Variants in ADAM23 observed in about 807,000 individuals in gnomAD.
The protein encoded by ADAM23 is disintegrin and metalloproteinase domain-containing protein 23.
ADAM23 carries 33 observed loss-of-function variants against 120.1 expected under a neutral mutation model. The ratio of observed to expected loss-of-function variants is 0.27; its 90% CI spans 0.21 to 0.37. The LOEUF (loss-of-function observed/expected upper bound fraction) is 0.37, where lower values mean the gene tolerates loss of function less well. ADAM23 is among the 10% of genes least tolerant of loss of function. ADAM23 has a pLI of 1.00. For synonymous variants in ADAM23, 367 were observed against 375.2 expected, an observed-to-expected ratio of 0.98 and a Z score of 0.25; for missense variants, 862 against 1,058.2, an observed-to-expected ratio of 0.81 and a Z score of 2.57.
chr2:206,614,903 T>C, intron 25 of ADAM23, among the ~76,000 whole-genome samples: 1 of 152,108 alleles, frequency 6.6e-6, no homozygotes, highest in East Asian at 1.9e-4. Context: ...TGCCTGGGAC[T>C]CCTGGGTTAG....
chr2:206,616,714 G>C (rs1698940724), intron 25 of ADAM23, among the ~76,000 whole-genome samples: 2 of 152,068 alleles, frequency 1.3e-5, no homozygotes, highest in African/African-American at 4.8e-5. Context: ...TTTGCATGAT[G>C]CCTCGGTGGC....
intron 13 of ADAM23, 51 bp downstream of exon 13, chr2:206,562,344 A>G: frequency 1.5e-6 from 2 of 1,305,970 alleles, no homozygotes; most frequent in Non-Finnish European, 2.2e-6. Flanking sequence ...CTGTCTGTAT[A>G]ATGCATGTCC....
intron 2 of ADAM23, among the ~76,000 whole-genome samples, chr2:206,447,878 C>T (rs1695114378): frequency 6.6e-6 from 1 of 152,082 alleles, no homozygotes; most frequent in Admixed American, 6.6e-5. Context: ...AATGGAAATT[C>T]CCAAATATAG....
chr2:206,499,291 A>G lies in ADAM23; in HGVS notation c.509+17983A>G, dbSNP rs566310842. 4.6e-5 allele frequency among the ~76,000 whole-genome samples: 7 copies of G among 152,158 alleles called. No individual in the cohort carries two copies. The South Asian group carries it at 1.2e-3, about 27-fold the overall frequency. Reference sequence around the variant, plus strand: ...ACTGGATTAAGAAAATGTGGCACGTATACACCATATACTATGCAGCCATAA... The same window carrying G: ...ACTGGATTAAGAAAATGTGGCACGTGTACACCATATACTATGCAGCCATAA... On this transcript the variant is annotated intron_variant, in intron 3 of 25. Transcript: ENST00000264377.
intron 2 of ADAM23, among the ~76,000 whole-genome samples, chr2:206,461,026 G>A (rs1574479273): frequency 6.9e-6 from 1 of 145,390 alleles, no homozygotes; most frequent in Non-Finnish European, 1.5e-5. Flanking sequence ...TTTCCCATTT[G>A]TTTGTGTCTT....
At chr2:206,458,971 A>C (rs138733311) in intron 2 of ADAM23, among the ~76,000 whole-genome samples, 113 of 152,378 alleles carry the variant, frequency 7.4e-4, no homozygotes, top group African/African-American at 2.5e-3. Flanking sequence ...TTTGGACACT[A>C]GGACAATTGA....
chr2:206,501,437 CA>C (rs2105893810), intron 3 of ADAM23, among the ~76,000 whole-genome samples: 1 of 152,132 alleles, frequency 6.6e-6, no homozygotes, highest in Non-Finnish European at 1.5e-5. Flanking sequence ...TAGGCTACTT[CA>C]TTCAGTTATC....
intron 18 of ADAM23, among the ~76,000 whole-genome samples, chr2:206,576,550 G>A (rs1698115918): frequency 6.6e-6 from 1 of 152,008 alleles, no homozygotes; most frequent in Non-Finnish European, 1.5e-5. Context: ...AATAGAAGTA[G>A]AGGGAGTTAA....
intron 11 of ADAM23, among the ~76,000 whole-genome samples, chr2:206,560,749 A>G (rs1697746684): frequency 1.3e-5 from 2 of 152,062 alleles, no homozygotes; most frequent in Non-Finnish European, 1.5e-5. Context: ...TCCTCCCACC[A>G]TTACCGTTGA....
At chr2:206,518,518 C>G (rs1434732051) in intron 3 of ADAM23, among the ~76,000 whole-genome samples, 3 of 152,074 alleles carry the variant, frequency 2.0e-5, no homozygotes, top group Non-Finnish European at 4.4e-5. Flanking sequence ...TAGCATGACT[C>G]TCAGGTTTTT....
chr2:206,445,980 G>T (rs532985071), intron 2 of ADAM23, among the ~76,000 whole-genome samples: 1 of 152,282 alleles, frequency 6.6e-6, no homozygotes, highest in South Asian at 2.1e-4. Context: ...CTTAGAAATT[G>T]AGTGTTTAAA....
At chr2:206,509,398 GAATAC>G (rs1696573974) in intron 3 of ADAM23, among the ~76,000 whole-genome samples, 1 of 152,128 alleles carries the variant, frequency 6.6e-6, no homozygotes, top group East Asian at 1.9e-4. Context: ...AACAAAATTT[GAATAC>G]AATATTAAAT....
chr2:206,607,836 AATTG>A (rs1371156795), intron 24 of ADAM23: 1 of 287,570 alleles, frequency 3.5e-6, no homozygotes, highest in Non-Finnish European at 6.8e-6. Context: ...TTCTTAGTTT[AATTG>A]ATAGAGTAAT....
intron 2 of ADAM23, among the ~76,000 whole-genome samples, chr2:206,466,022 G>T (rs1023075441): frequency 8.5e-5 from 13 of 152,072 alleles, no homozygotes; most frequent in African/African-American, 3.1e-4. Context: ...AAATAAATAA[G>T]TTTATGCCTT....
chr2:206,579,727 A>G (rs761572788), intron 18 of ADAM23, among the ~76,000 whole-genome samples: 1 of 152,030 alleles, frequency 6.6e-6, no homozygotes, highest in Non-Finnish European at 1.5e-5. Context: ...TTTTGGTTCC[A>G]TATTAGTTTT....
intron 3 of ADAM23, among the ~76,000 whole-genome samples, chr2:206,523,538 T>G (rs887871157): frequency 7.9e-5 from 12 of 152,222 alleles, no homozygotes; most frequent in Non-Finnish European, 1.6e-4. Context: ...TAGCTTAAAA[T>G]TCTTACTGTA....
Position 206,571,619 on chromosome 2 carries a change from A to G in ADAM23, c.1567-108A>G, listed in dbSNP as rs1698002031. On this transcript the variant is annotated intron_variant, in intron 16 of 25. Transcript: ENST00000264377. Reference sequence around the variant, plus strand: ...TAATTCTTTCCCAGAATATTTGCTTACTGTTGTATAAATGTTCTCATTTGG... The same window carrying G: ...TAATTCTTTCCCAGAATATTTGCTTGCTGTTGTATAAATGTTCTCATTTGG... The G allele has an allele frequency of 5.9e-6, 4 of 673,710 alleles. No homozygotes were observed. In the South Asian group the frequency reaches 8.3e-5, roughly 14 times the overall value. 41.7% of individuals were successfully genotyped at this position (673,710 alleles called of 1,614,324 possible). A position where few individuals can be genotyped will look rare whatever the true frequency, so the allele number is the denominator to read the frequency against.
At chr2:206,569,563 G>A (rs1037385956) in intron 15 of ADAM23, among the ~76,000 whole-genome samples, 10 of 152,070 alleles carry the variant, frequency 6.6e-5, no homozygotes, top group African/African-American at 1.4e-4. Context: ...TTTCCACACT[G>A]TTGGAGATAG....
intron 3 of ADAM23, among the ~76,000 whole-genome samples, chr2:206,498,973 G>C (rs369497584): frequency 6.6e-6 from 1 of 152,188 alleles, no homozygotes; most frequent in Admixed American, 6.5e-5. Flanking sequence ...TTAGAATGGC[G>C]ATCATTAAAA....
Sources: allele counts gnomAD v4.1 joint callset (sites outside exome capture counted in the v4.1 genomes callset), GRCh38; gene constraint gnomAD v4.1.1; transcripts MANE v1.5; gene names NCBI Gene and HGNC (gene_info 2026-07-23, HGNC 2026-07-21).